HERC2: variants seen among roughly 807,000 people sequenced by gnomAD.
HERC2 encodes HECT and RLD domain containing E3 ubiquitin protein ligase 2.
A neutral mutation model predicts 537.7 loss-of-function variants in HERC2; 102 were observed. The observed-to-expected ratio is 0.19, with a 90% CI of 0.16 to 0.22. The LOEUF is 0.22. HERC2 is among the 10% of genes least tolerant of loss of function. HERC2 has a pLI of 1.00. For missense variants in HERC2, 4,236 were observed against 6,198.2 expected (o/e 0.68, Z 10.63); for synonymous variants, 2,224 against 2,466.2 (o/e 0.90, Z 2.91).
chr15:28,142,133 T>C, intron 76 of HERC2, 105 bp downstream of exon 76: 1 of 1,314,164 alleles, frequency 7.6e-7, no homozygotes, highest in Admixed American at 2.4e-5. Flanking sequence ...TGATATTCCT[T>C]GGCAAGCGAA....
chr15:28,260,829 A>G lies in HERC2; in HGVS notation c.2264T>C (p.Leu755Ser), dbSNP rs1057519727. 1 of 1,614,260 alleles carries G rather than the reference A, an allele frequency of 6.2e-7. No individual in the cohort carries two copies. Among genetic ancestry groups the G allele is most frequent in the Non-Finnish European group, 8.5e-7 (1 of 1,180,048 alleles). The part of the protein sequence containing the change: ...LRVTKPEPAA[L>S]PGLDTKHIVG... ...TATGTGTTTGGTGTCCAGTCCTGGC[A>G]ATGCTGCAGGTTCTGGCTTGGTCAC... The change falls in exon 16 of 93, where the codon TTG becomes TCG. Residue 755 changes from leucine to serine, a missense_variant. This residue lies in a region of HERC2 where 754 missense variants were observed against 1,085.0 expected (regional missense o/e 0.69). Coordinates refer to ENST00000261609, the MANE Select transcript of HERC2 (RefSeq NM_004667.6).
At chr15:28,147,001 C>T (rs1891812157) in intron 70 of HERC2, among the ~76,000 whole-genome samples, 2 of 137,274 alleles carry the variant, frequency 1.5e-5, no homozygotes, top group South Asian at 5.1e-4. Flanking sequence ...ACTATCTCTG[C>T]ATGCTCTGTT....
chr15:28,262,973 A>G lies in HERC2; in HGVS notation c.2067T>C (p.Leu689=), dbSNP rs1296588478. ...YSWGKGDNQR[L]GHGTEEHVRY... ...GAACATGTTCCTCTGTTCCATGTCC[A>G]AGTCTCTGGTTGTCACCTTTTCCCC... The change falls in exon 15 of 93, where the codon CTT becomes CTC. Residue 689 remains leucine (L), a synonymous_variant. Coordinates refer to ENST00000261609, the MANE Select transcript of HERC2 (RefSeq NM_004667.6). 3.7e-6 allele frequency: 6 copies of G among 1,614,062 alleles called. No individual in the cohort carries two copies. The African/African-American group carries it at 8.0e-5, about 22-fold the overall frequency.
At chr15:28,258,315 C>A (rs896848437) in intron 16 of HERC2, among the ~76,000 whole-genome samples, 19 of 151,950 alleles carry the variant, frequency 1.3e-4, no homozygotes, top group Non-Finnish European at 2.2e-4. Flanking sequence ...ACTGAAAATA[C>A]AAAAAAATTA....
rs778173804 is a variant in HERC2, at chr15:28,210,999, C to T, written c.7069+3G>A. On this transcript the variant is annotated splice_donor_region_variant and intron_variant, in intron 44 of 92. Coordinates refer to ENST00000261609, the MANE Select transcript of HERC2 (RefSeq NM_004667.6). The stretch of plus-strand genomic sequence containing the variant: ...AAGATTTAAGAACTTTTTAAAAAGA[C>T]ACCTGTGTGAACAGTTCCAGTCTCC... 1.4e-5 allele frequency: 19 copies of T among 1,347,498 alleles called. No homozygotes were observed. The East Asian group carries it at 3.9e-4, about 27-fold the overall frequency. The allele number at this position is 1,347,498 out of a possible 1,614,324, so 83.5% of individuals were successfully genotyped here. A position where few individuals can be genotyped will look rare whatever the true frequency, so the allele number is the denominator to read the frequency against.
intron 39 of HERC2, among the ~76,000 whole-genome samples, chr15:28,215,071 A>G (rs1899745354): frequency 6.6e-6 from 1 of 151,916 alleles, no homozygotes; most frequent in African/African-American, 2.4e-5. Flanking sequence ...TAGAGACAGA[A>G]TTTCACTATG....
chr15:28,173,711 A>G (rs7164058), intron 65 of HERC2, among the ~76,000 whole-genome samples: 11,862 of 151,048 alleles, frequency 0.079, 1,532 homozygotes, highest in African/African-American at 0.27. Flanking sequence ...GCTGAGGTGG[A>G]AGGATCACTT....
intron 4 of HERC2, among the ~76,000 whole-genome samples, chr15:28,282,848 T>C (rs2076054872): frequency 1.3e-5 from 2 of 151,452 alleles, no homozygotes; most frequent in African/African-American, 4.9e-5. Flanking sequence ...AGAAGAATCA[T>C]TCGAACTAGG....
intron 81 of HERC2, 76 bp downstream of exon 81, chr15:28,132,024 G>T: frequency 7.8e-7 from 1 of 1,290,170 alleles, no homozygotes; most frequent in South Asian, 1.5e-5. Context: ...CTGAGGCTGT[G>T]TTTTCCCAGA....
At chr15:28,156,325 T>C (rs1893007719) in intron 69 of HERC2, among the ~76,000 whole-genome samples, 1 of 152,208 alleles carries the variant, frequency 6.6e-6, no homozygotes, top group East Asian at 1.9e-4. Context: ...TTGATGGGGA[T>C]GGCATTGAAT....
At chr15:28,199,620 T>A (rs996853338) in intron 48 of HERC2, among the ~76,000 whole-genome samples, 5 of 152,194 alleles carry the variant, frequency 3.3e-5, no homozygotes, top group Non-Finnish European at 7.3e-5. Context: ...GTCTAGATGA[T>A]GACGCTAATG....
chr15:28,142,514 G>C (rs945720421), intron 75 of HERC2, 121 bp from the exon 76 acceptor site: 1 of 982,364 alleles, frequency 1.0e-6, no homozygotes, highest in African/African-American at 1.6e-5. Context: ...GCACAGCAAG[G>C]ATACGGCCAC....
At chr15:28,223,971 C>A (rs1309996447) in intron 35 of HERC2, among the ~76,000 whole-genome samples, 1 of 151,984 alleles carries the variant, frequency 6.6e-6, no homozygotes, top group Non-Finnish European at 1.5e-5. Context: ...AAGGCCATTT[C>A]TCGATGGAGA....
At chr15:28,149,000 AACCGAGAACATC>A (rs1266925339) in intron 70 of HERC2, among the ~76,000 whole-genome samples, 5 of 151,804 alleles carry the variant, frequency 3.3e-5, no homozygotes, top group Admixed American at 2.0e-4. Context: ...CACGGCTCCT[AACCGAGAACATC>A]ACCGAGAACG....
At chr15:28,121,525 A>G (rs1888888425) in intron 85 of HERC2, 96 bp from the exon 86 acceptor site, 1 of 1,021,184 alleles carries the variant, frequency 9.8e-7, no homozygotes, top group East Asian at 2.4e-5. Flanking sequence ...TCTGTGTTGA[A>G]GACCTTCTTA....
At chr15:28,205,231 A>AG (rs899039142) in intron 45 of HERC2, among the ~76,000 whole-genome samples, 2 of 148,144 alleles carry the variant, frequency 1.4e-5, no homozygotes, top group African/African-American at 5.0e-5. Flanking sequence ...CAGTTCCTGA[A>AG]GGACAACTCT....
intron 38 of HERC2, among the ~76,000 whole-genome samples, chr15:28,217,715 A>G (rs1294676138): frequency 2.0e-5 from 3 of 152,178 alleles, no homozygotes; most frequent in Non-Finnish European, 4.4e-5. Context: ...AGGTGACATC[A>G]TGTTGGATTA....
intron 81 of HERC2, among the ~76,000 whole-genome samples, chr15:28,131,605 G>A (rs1013362110): frequency 2.6e-5 from 4 of 152,120 alleles, no homozygotes; most frequent in African/African-American, 4.8e-5. Flanking sequence ...CAGAGCCGCC[G>A]ACCCCACCAG....
rs1888976696 is a variant in HERC2 at position 28,122,121 on chromosome 15, C to T, written c.13189-692G>A. 6.7e-6 allele frequency among the ~76,000 whole-genome samples: 1 copy of T among 150,344 alleles called. No homozygotes were observed. Among genetic ancestry groups the T allele is most frequent in the Non-Finnish European group, 1.5e-5 (1 of 67,670 alleles). ...GAAAAGACAGACCGGGGAGGGGAAA[C>T]AAGGTCCTGGCTGGGATCACACTAA... is the stretch of plus-strand genomic sequence containing the variant. On this transcript the variant is annotated intron_variant, in intron 85 of 92. Coordinates refer to ENST00000261609, the MANE Select transcript of HERC2 (RefSeq NM_004667.6). This position sits in a 1 kb window ranked among gnomAD's most constrained non-coding sequence, Gnocchi z 4.1.
Sources: gnomAD v4.1 joint callset for allele counts (sites outside exome capture counted in the v4.1 genomes callset) on GRCh38, gnomAD v4.1.1 for gene constraint, gnomAD v4.1.1 regional missense constraint, Gnocchi (gnomAD v3.1) non-coding constraint, MANE v1.5 for transcripts, NCBI Gene and HGNC (gene_info 2026-07-23, HGNC 2026-07-21) for gene names.